DROSHA: variants seen among roughly 807,000 people sequenced by gnomAD.
The protein encoded by DROSHA is drosha ribonuclease III.
DROSHA carries 56 observed loss-of-function variants against 181.9 expected under a neutral mutation model. That is an observed-to-expected ratio of 0.31 (90% CI 0.25 to 0.38). DROSHA has a LOEUF of 0.38. Ranked by LOEUF, DROSHA falls within the 10% of genes least tolerant of loss-of-function variation. The pLI, the probability that DROSHA is intolerant of heterozygous loss-of-function variation, is 1.00. For missense variants in DROSHA, 1,218 were observed against 1,743.5 expected (o/e 0.70, Z 5.37); for synonymous variants, 524 against 591.2 (o/e 0.89, Z 1.65).
chr5:31,493,685 T>G (rs1222951164), intron 12 of DROSHA, among the ~76,000 whole-genome samples: 1 of 152,084 alleles, frequency 6.6e-6, no homozygotes, highest in African/African-American at 2.4e-5. Context: ...GGAAAAAGAC[T>G]CAGCATCATA....
intron 15 of DROSHA, among the ~76,000 whole-genome samples, 155 bp downstream of exon 15, chr5:31,484,726 T>G (rs551757645): frequency 6.6e-6 from 1 of 152,322 alleles, no homozygotes; most frequent in South Asian, 2.1e-4. Flanking sequence ...TCATGTCAAA[T>G]GATAACAAGC....
chr5:31,493,388 T>C (rs1752616242), intron 12 of DROSHA, 95 bp from the exon 13 acceptor site: 2 of 1,078,298 alleles, frequency 1.9e-6, no homozygotes, highest in Non-Finnish European at 1.3e-6. Context: ...CAATAGAACA[T>C]AAGGACTTCC....
At position 31,427,711 on chromosome 5, in the gene DROSHA, A is replaced by G. The variant is rs575628354; in HGVS notation, c.3216+1764T>C. Reference sequence around the variant, plus strand: ...AAAGGATGTCTCTCTCCACCCCCACAACACAGCCAATCAACCTGACTTTGT... The same window carrying G: ...AAAGGATGTCTCTCTCCACCCCCACGACACAGCCAATCAACCTGACTTTGT... On this transcript the variant is annotated intron_variant, in intron 27 of 35. Coordinates refer to ENST00000344624, the MANE Select transcript of DROSHA (RefSeq NM_001382508.1). Among the ~76,000 whole-genome samples, 3 of 152,262 alleles carry G rather than the reference A, an allele frequency of 2.0e-5. No individual in the cohort carries two copies. In the East Asian group the frequency reaches 5.8e-4, roughly 29 times the overall value.
chr5:31,408,947 T>G, intron 33 of DROSHA, 109 bp downstream of exon 33: 3 of 1,006,648 alleles, frequency 3.0e-6, no homozygotes, highest in Non-Finnish European at 4.4e-6. Flanking sequence ...GTCTCAATCC[T>G]GGGCTCCTGT....
intron 23 of DROSHA, among the ~76,000 whole-genome samples, chr5:31,447,416 G>A (rs1005242958): frequency 6.6e-6 from 1 of 152,092 alleles, no homozygotes; most frequent in Non-Finnish European, 1.5e-5. Flanking sequence ...TTGATCTACA[G>A]AATCAACATA....
chr5:31,530,873 T>C lies in DROSHA; in HGVS notation c.-122A>G, dbSNP rs141458933. On this transcript the variant is annotated 5_prime_UTR_variant, in exon 3 of 36. Coordinates refer to ENST00000344624, the MANE Select transcript of DROSHA (RefSeq NM_001382508.1). ...CTAGATTATCAGCTCCTTGATGATA[T>C]GGGTTGATTCACAGTCATTTCTGTA... 18 of 398,590 alleles carry C rather than the reference T, an allele frequency of 4.5e-5. No homozygotes were observed. The highest frequency in any genetic ancestry group is 6.2e-5 in the Non-Finnish European group (14 of 226,060). The allele number at this position is 398,590 out of a possible 1,614,324, so 24.7% of individuals were successfully genotyped here.
chr5:31,418,043 A>G (rs1314822796), intron 30 of DROSHA, among the ~76,000 whole-genome samples: 1 of 152,124 alleles, frequency 6.6e-6, no homozygotes, highest in Non-Finnish European at 1.5e-5. Flanking sequence ...AAATATTAGG[A>G]TACATCCAGG....
chr5:31,438,441 G>C (rs370040025), intron 23 of DROSHA, among the ~76,000 whole-genome samples: 3 of 152,190 alleles, frequency 2.0e-5, no homozygotes, highest in Non-Finnish European at 4.4e-5. Context: ...CTGAAAATAA[G>C]TATTGATAGC....
At chr5:31,429,414 T>C in intron 27 of DROSHA, 61 bp downstream of exon 27, 1 of 1,458,924 alleles carries the variant, frequency 6.9e-7, no homozygotes, top group African/African-American at 1.4e-5. Context: ...AAAGACCAGC[T>C]GAAATAAAAT....
chr5:31,434,868 C>A (rs1744596479), intron 25 of DROSHA, among the ~76,000 whole-genome samples: 1 of 152,232 alleles, frequency 6.6e-6, no homozygotes. Flanking sequence ...GGATTTATCA[C>A]AAGAACATGG....
At chr5:31,487,549 C>T (rs1561239209) in intron 13 of DROSHA, among the ~76,000 whole-genome samples, 2 of 152,152 alleles carry the variant, frequency 1.3e-5, no homozygotes, top group South Asian at 2.1e-4. Context: ...CCCAGAGACG[C>T]GTTAACTGAG....
At chr5:31,458,123 T>C (rs1289078152) in intron 20 of DROSHA, among the ~76,000 whole-genome samples, 1 of 152,190 alleles carries the variant, frequency 6.6e-6, no homozygotes, top group Non-Finnish European at 1.5e-5. Flanking sequence ...TAAACAATAT[T>C]AATTCAGTAT....
intron 11 of DROSHA, among the ~76,000 whole-genome samples, chr5:31,497,476 C>A (rs1338040529): frequency 6.6e-6 from 1 of 152,206 alleles, no homozygotes; most frequent in East Asian, 1.9e-4. Flanking sequence ...GGGAGCCTGT[C>A]CCCCCTTACT....
At chr5:31,529,734 C>CAAAAAAAAAAAAAAAAAA (rs70955715) in intron 3 of DROSHA, among the ~76,000 whole-genome samples, 2 of 91,324 alleles carry the variant, frequency 2.2e-5, no homozygotes, top group Non-Finnish European at 4.6e-5. Context: ...AAAAAACAAA[C>CAAAAAAAAAAAAAAAAAA]AAAAAAAAAA....
chr5:31,448,022 A>C (rs1746515526), intron 23 of DROSHA, among the ~76,000 whole-genome samples: 1 of 152,260 alleles, frequency 6.6e-6, no homozygotes, highest in Admixed American at 6.5e-5. Flanking sequence ...AAGCAAAATC[A>C]AAATATATGT....
intron 11 of DROSHA, among the ~76,000 whole-genome samples, chr5:31,504,290 T>C (rs1385998147): frequency 1.3e-5 from 2 of 152,206 alleles, no homozygotes; most frequent in South Asian, 2.1e-4. Flanking sequence ...TGAAGAATAC[T>C]TGAAATGGGA....
chr5:31,498,121 G>A (rs1415175535), intron 11 of DROSHA, among the ~76,000 whole-genome samples: 1 of 152,174 alleles, frequency 6.6e-6, no homozygotes, highest in Non-Finnish European at 1.5e-5. Flanking sequence ...CTGTGCCTAG[G>A]TGGCCTTGTC....
intron 4 of DROSHA, chr5:31,527,419 T>C (rs1191297449): frequency 6.4e-6 from 1 of 155,766 alleles, no homozygotes; most frequent in African/African-American, 2.4e-5. Context: ...TAAAGTACTT[T>C]CCTTGGCCTC....
In DROSHA at chr5:31,511,030, C is replaced by T; in HGVS notation, c.1432+5G>A. ...GTCTCAGGCTAGTTAGTGACTCTGACTCACCTAAATCTTCATCGAGCTTCG... is the reference window on the plus strand; with the variant it reads ...GTCTCAGGCTAGTTAGTGACTCTGATTCACCTAAATCTTCATCGAGCTTCG... On this transcript the variant is annotated splice_donor_5th_base_variant and intron_variant, in intron 9 of 35. Coordinates refer to ENST00000344624, the MANE Select transcript of DROSHA (RefSeq NM_001382508.1). 1 of 1,613,828 alleles carries T rather than the reference C, an allele frequency of 6.2e-7. No homozygotes were observed. The highest frequency in any genetic ancestry group is 8.5e-7 in the Non-Finnish European group (1 of 1,179,830).
Sources: gnomAD v4.1 joint callset for allele counts (sites outside exome capture counted in the v4.1 genomes callset) on GRCh38, gnomAD v4.1.1 for gene constraint, MANE v1.5 for transcripts, NCBI Gene and HGNC (gene_info 2026-07-23, HGNC 2026-07-21) for gene names.